Variants in NRCAM observed in about 807,000 individuals in gnomAD.
NRCAM encodes neuronal cell adhesion molecule.
NRCAM carries 83 observed loss-of-function variants against 156.5 expected under a neutral mutation model. The ratio of observed to expected loss-of-function variants is 0.53; its 90% CI spans 0.44 to 0.64. The LOEUF is 0.64. Ranked by LOEUF, NRCAM falls within the 30% of genes least tolerant of loss-of-function variation. The pLI is 0.00. For synonymous variants in NRCAM, 538 were observed against 563.9 expected (o/e 0.95, Z 0.65); for missense variants, 1,417 against 1,597.3 (o/e 0.89, Z 1.92).
intron 3 of NRCAM, among the ~76,000 whole-genome samples, chr7:108,257,521 C>T (rs780267764): frequency 2.6e-5 from 4 of 151,860 alleles, no homozygotes; most frequent in Non-Finnish European, 5.9e-5. Context: ...GAGTATTAAG[C>T]GATACTGAGA....
chr7:108,319,458 A>T (rs2098974097), intron 2 of NRCAM, among the ~76,000 whole-genome samples: 1 of 152,204 alleles, frequency 6.6e-6, no homozygotes, highest in Non-Finnish European at 1.5e-5. Flanking sequence ...ACCGCCTATG[A>T]TTTGCCAAGT....
At chr7:108,381,804 G>A (rs1167590561) in intron 2 of NRCAM, among the ~76,000 whole-genome samples, 3 of 151,900 alleles carry the variant, frequency 2.0e-5, no homozygotes, top group East Asian at 1.9e-4. Flanking sequence ...CAGGTGATCC[G>A]CCTGCCTCAG....
At position 108,394,478 on chromosome 7, in the gene NRCAM, T is replaced by C. The variant is rs78168670; in HGVS notation, c.-174+4958A>G. 2.3e-3 allele frequency among the ~76,000 whole-genome samples: 347 copies of C among 152,040 alleles called. 2 individuals carry two copies. Among genetic ancestry groups the C allele is most frequent in the African/African-American group, 7.9e-3 (328 of 41,474 alleles). On this transcript the variant is annotated intron_variant, in intron 2 of 32. Coordinates refer to ENST00000379028, the MANE Select transcript of NRCAM (RefSeq NM_001037132.4). ...TGGTTTATGTGTAGGGCAAGAGGAG[T>C]ATTTCTCTCTCCTCTTAGTCTCTCT...
Sources: allele counts gnomAD v4.1 joint callset (sites outside exome capture counted in the v4.1 genomes callset), GRCh38; gene constraint gnomAD v4.1.1; transcripts MANE v1.5; gene names NCBI Gene and HGNC (gene_info 2026-07-23, HGNC 2026-07-21).